Variants in CSNK1G2 observed in about 807,000 individuals in gnomAD.
CSNK1G2 encodes the protein casein kinase 1 gamma 2.
Under a neutral mutation model 48.0 loss-of-function variants are expected in CSNK1G2, and 11 were observed. The observed-to-expected ratio is 0.23, with a 90% confidence interval of 0.14 to 0.38. CSNK1G2 has a LOEUF of 0.38. CSNK1G2 is among the 10% of genes least tolerant of loss of function. The pLI, the probability that CSNK1G2 is intolerant of heterozygous loss-of-function variation, is 1.00. For missense variants in CSNK1G2, 446 were observed against 595.5 expected (o/e 0.75, Z 2.61); for synonymous variants, 337 against 254.1 (o/e 1.33, Z -3.10).
intron 1 of CSNK1G2, among the ~76,000 whole-genome samples, chr19:1,967,050 C>CTTTG (rs56832038): frequency 0.55 from 83,838 of 151,408 alleles, 26,363 homozygotes; most frequent in African/African-American, 0.85. Flanking sequence ...AAAGTGTGTC[C>CTTTG]TTTGATTAGA....
chr19:1,972,788 A>G (rs1282945913), intron 2 of CSNK1G2, among the ~76,000 whole-genome samples: 2 of 151,036 alleles, frequency 1.3e-5, no homozygotes, highest in Non-Finnish European at 3.0e-5. Context: ...ATGCCTGGCT[A>G]ATTTTTTATA....
chr19:1,948,499 G>A (rs1016921408), intron 1 of CSNK1G2, among the ~76,000 whole-genome samples: 5 of 146,926 alleles, frequency 3.4e-5, no homozygotes, highest in Non-Finnish European at 7.4e-5. Flanking sequence ...CTCCATGTGG[G>A]CGACAGAGTG....
chr19:1,954,026 C>T (rs766360269), intron 1 of CSNK1G2: 4 of 529,552 alleles, frequency 7.6e-6, no homozygotes, highest in South Asian at 2.8e-5. Context: ...CGAGGACCGG[C>T]CCTGCCCATC....
intron 2 of CSNK1G2, among the ~76,000 whole-genome samples, chr19:1,977,452 CAT>C (rs1023127983): frequency 1.3e-5 from 2 of 152,288 alleles, no homozygotes; most frequent in Non-Finnish European, 1.5e-5. Flanking sequence ...GGGGGTGTAA[CAT>C]GTAAAAAGCT....
chr19:1,959,659 G>A (rs544434721), intron 1 of CSNK1G2, among the ~76,000 whole-genome samples: 23 of 128,920 alleles, frequency 1.8e-4, no homozygotes, highest in African/African-American at 6.6e-4. Context: ...CCCAGCACCC[G>A]CCCCACCTTT....
chr19:1,949,508 G>A (rs867662246), intron 1 of CSNK1G2, among the ~76,000 whole-genome samples: 8 of 152,208 alleles, frequency 5.3e-5, no homozygotes, highest in East Asian at 1.9e-4. Context: ...GTCGTGTTCC[G>A]GCGTGTGGGT....
intron 2 of CSNK1G2, chr19:1,975,597 G>T (rs1042410292): frequency 1.3e-5 from 13 of 985,306 alleles, no homozygotes; most frequent in African/African-American, 3.5e-5. Flanking sequence ...GGGCGGGGAA[G>T]GGGGGATGAA....
intron 1 of CSNK1G2, among the ~76,000 whole-genome samples, chr19:1,961,428 G>A (rs1263294937): frequency 6.6e-6 from 1 of 152,378 alleles, no homozygotes; most frequent in East Asian, 1.9e-4. Flanking sequence ...CCCATGCTGA[G>A]GAGCCTCGCA....
chr19:1,979,519 A>C lies in CSNK1G2; in HGVS notation c.878A>C (p.Tyr293Ser). The C allele has an allele frequency of 1.3e-6, 2 of 1,571,630 alleles. No homozygotes were observed. The highest frequency in any genetic ancestry group is 1.7e-6 in the Non-Finnish European group (2 of 1,159,888). Residue 293 changes from tyrosine to serine, a missense_variant, in exon 9 of 12, where the codon TAT becomes TCT. Coordinates refer to ENST00000255641, the MANE Select transcript of CSNK1G2 (RefSeq NM_001319.7). Reference sequence around the variant, plus strand: ...GAGGAGATGGCCACGTACCTGCGCTATGTGCGGCGCCTGGACTTCTTCGAG... The same window carrying C: ...GAGGAGATGGCCACGTACCTGCGCTCTGTGCGGCGCCTGGACTTCTTCGAG... ...FPEEMATYLR[Y>S]VRRLDFFEKP...
chr19:1,966,748 C>G (rs984707150), intron 1 of CSNK1G2, among the ~76,000 whole-genome samples: 1 of 152,180 alleles, frequency 6.6e-6, no homozygotes, highest in Non-Finnish European at 1.5e-5. Flanking sequence ...CCCCAGCCTC[C>G]AGCAGCCACC....
intron 1 of CSNK1G2, among the ~76,000 whole-genome samples, chr19:1,949,038 C>T (rs1360824938): frequency 2.6e-5 from 4 of 152,284 alleles, no homozygotes; most frequent in South Asian, 4.1e-4. Flanking sequence ...CTCGCTGTCT[C>T]GGGTGGCAGA....
At chr19:1,961,827 G>A (rs149041639) in intron 1 of CSNK1G2, among the ~76,000 whole-genome samples, 119 of 152,308 alleles carry the variant, frequency 7.8e-4, no homozygotes, top group African/African-American at 2.7e-3. Flanking sequence ...AAGGAGAGTC[G>A]GTAGCTCAAG....
Position 1,979,819 on chromosome 19 carries a change from C to G in CSNK1G2, c.1070C>G (p.Pro357Arg). Residue 357 changes from proline to arginine, a missense_variant, in exon 10 of 12, where the codon CCG (proline) becomes CGG (arginine). Pro to Arg is a moderately radical substitution (Grantham distance 103, BLOSUM62 -2). This residue lies in a region of CSNK1G2 where 188 missense variants were observed against 179.6 expected (regional missense o/e 1.05). Coordinates refer to ENST00000255641, the MANE Select transcript of CSNK1G2 (RefSeq NM_001319.7). Reference sequence around the variant, plus strand: ...CCTCAGCTCCGGGACAAAACCCAGCCGCACAGCAAAAACCAGGTGAGGCCC... The same window carrying G: ...CCTCAGCTCCGGGACAAAACCCAGCGGCACAGCAAAAACCAGGTGAGGCCC... ...SQPQLRDKTQ[P>R]HSKNQALNST... is the part of the protein sequence containing the mutation. 1.9e-6 allele frequency: 3 copies of G among 1,606,978 alleles called. No individual in the cohort carries two copies. Among genetic ancestry groups the G allele is most frequent in the Non-Finnish European group, 1.7e-6 (2 of 1,177,662 alleles).
intron 1 of CSNK1G2, among the ~76,000 whole-genome samples, chr19:1,956,147 T>C (rs1047039920): frequency 5.3e-5 from 8 of 151,968 alleles, no homozygotes; most frequent in Non-Finnish European, 7.4e-5. Context: ...TGAGAGGTGA[T>C]GGTCACCACC....
intron 1 of CSNK1G2, among the ~76,000 whole-genome samples, chr19:1,948,697 G>C (rs568006727): frequency 6.6e-6 from 1 of 152,296 alleles, no homozygotes; most frequent in South Asian, 2.1e-4. Context: ...AGTGGTTTTT[G>C]TACAGCTGAC....
At position 1,957,252 on chromosome 19, in the gene CSNK1G2, G is replaced by A. The variant is rs1358188448; in HGVS notation, c.-265-12256G>A. Among the ~76,000 whole-genome samples the A allele has an allele frequency of 1.3e-5, 2 of 152,240 alleles. No individual in the cohort carries two copies. The highest frequency in any genetic ancestry group is 6.5e-5 in the Admixed American group (1 of 15,292). On this transcript the variant is annotated intron_variant, in intron 1 of 11. Coordinates refer to ENST00000255641, the MANE Select transcript of CSNK1G2 (RefSeq NM_001319.7). The surrounding 1 kb of genome is among the most constrained non-coding windows in gnomAD (Gnocchi z 5.4). ...GAGGGATAGCCTACACGGAGAGCAG[G>A]CCAGTGGCCCTGTGCCCAGGAGGGT...
In CSNK1G2 at chr19:1,958,554, G is replaced by A. The variant is rs868553153; in HGVS notation, c.-265-10954G>A. ...CTGTCCCTCCGTCCCCCCGTCCAGG[G>A]CTGCAGCAGCTCAGCTCTCCCAGGT... On this transcript the variant is annotated intron_variant, in intron 1 of 11. Coordinates refer to ENST00000255641, the MANE Select transcript of CSNK1G2 (RefSeq NM_001319.7). Among the ~76,000 whole-genome samples the A allele has an allele frequency of 2.8e-3, 345 of 122,938 alleles. 1 individual carries two copies. Among genetic ancestry groups the A allele is most frequent in the Middle Eastern group, 9.9e-3 (2 of 202 alleles). 80.7% of individuals were successfully genotyped at this position (122,938 alleles called of 152,430 possible).
chr19:1,941,540 G>A, intron 1 of CSNK1G2, 122 bp downstream of exon 1: 1 of 103,932 alleles, frequency 9.6e-6, no homozygotes, highest in Non-Finnish European at 1.9e-5. Flanking sequence ...GCGCCCTGCC[G>A]ACCCCGTGCT....
chr19:1,979,693 C>G (rs1193392501), intron 9 of CSNK1G2, 50 bp downstream of exon 9: 4 of 1,601,972 alleles, frequency 2.5e-6, no homozygotes, highest in Non-Finnish European at 3.4e-6. Context: ...GGAAACTGCC[C>G]TGAGGGAGAT....
Sources: allele counts gnomAD v4.1 joint callset (sites outside exome capture counted in the v4.1 genomes callset), GRCh38; gene constraint gnomAD v4.1.1; regional missense constraint gnomAD v4.1.1; non-coding constraint Gnocchi (gnomAD v3.1); transcripts MANE v1.5; gene names NCBI Gene and HGNC (gene_info 2026-07-23, HGNC 2026-07-21).